The following SLC10A7 variants were observed in gnomAD, a reference collection of about 807,000 sequenced individuals.
The protein encoded by SLC10A7 is solute carrier family 10 member 7.
A neutral mutation model predicts 43.2 loss-of-function variants in SLC10A7; 29 were observed. The observed-to-expected ratio is 0.67, with a 90% CI of 0.50 to 0.92. The LOEUF (loss-of-function observed/expected upper bound fraction) is 0.92. Ranked by LOEUF, SLC10A7 falls within the 40% of genes least tolerant of loss-of-function variation. SLC10A7 has a pLI of 0.00. For synonymous variants in SLC10A7, 152 were observed against 144.8 expected (o/e 1.05, Z -0.35); for missense variants, 295 against 403.2 (o/e 0.73, Z 2.30).
chr4:146,405,376 TG>T (rs1727597647), intron 5 of SLC10A7, among the ~76,000 whole-genome samples: 1 of 152,156 alleles, frequency 6.6e-6, no homozygotes, highest in African/African-American at 2.4e-5. Flanking sequence ...TATAATAAAT[TG>T]GCACCACAAT....
chr4:146,299,712 C>T (rs1313437948), intron 7 of SLC10A7, among the ~76,000 whole-genome samples: 1 of 151,932 alleles, frequency 6.6e-6, no homozygotes, highest in Non-Finnish European at 1.5e-5. Context: ...GGTAACAATC[C>T]CTTTGAAGAG....
chr4:146,290,256 G>A (rs892978748), intron 9 of SLC10A7, among the ~76,000 whole-genome samples: 10 of 149,804 alleles, frequency 6.7e-5, no homozygotes, highest in African/African-American at 1.7e-4. Flanking sequence ...CCCAGGAGGC[G>A]GAGCTTGCAG....
chr4:146,373,927 T>C (rs1736975456), intron 5 of SLC10A7, among the ~76,000 whole-genome samples: 1 of 152,200 alleles, frequency 6.6e-6, no homozygotes. Flanking sequence ...GAAATGTGGA[T>C]AAATTCGACA....
intron 9 of SLC10A7, among the ~76,000 whole-genome samples, chr4:146,285,479 T>A (rs559407512): frequency 6.6e-6 from 1 of 152,216 alleles, no homozygotes; most frequent in Admixed American, 6.5e-5. Context: ...TTTTCTCATA[T>A]GTAGAATGAG....
At chr4:146,442,934 C>T in intron 4 of SLC10A7, 113 bp from the exon 5 acceptor site, 1 of 776,070 alleles carries the variant, frequency 1.3e-6, no homozygotes, top group East Asian at 2.9e-5. Flanking sequence ...AACATTGACT[C>T]TATAAAGCAA....
chr4:146,402,607 CA>C (rs935139071), intron 5 of SLC10A7, among the ~76,000 whole-genome samples: 4 of 152,118 alleles, frequency 2.6e-5, no homozygotes, highest in Non-Finnish European at 5.9e-5. Flanking sequence ...TTTTAAAAAA[CA>C]GAAGAGGAAA....
At chr4:146,331,717 TA>T (rs889711839) in intron 5 of SLC10A7, among the ~76,000 whole-genome samples, 3 of 152,034 alleles carry the variant, frequency 2.0e-5, no homozygotes, top group African/African-American at 7.2e-5. Context: ...AATATCATTT[TA>T]AAAAAAAGAT....
chr4:146,423,592 G>A (rs1729111536), intron 5 of SLC10A7, among the ~76,000 whole-genome samples: 1 of 152,138 alleles, frequency 6.6e-6, no homozygotes, highest in African/African-American at 2.4e-5. Context: ...CCAAAGCGAG[G>A]TGGTAAAAAA....
At chr4:146,319,697 C>T (rs1450229179) in intron 6 of SLC10A7, among the ~76,000 whole-genome samples, 3 of 151,748 alleles carry the variant, frequency 2.0e-5, no homozygotes, top group East Asian at 1.9e-4. Flanking sequence ...AATTCTGCTA[C>T]AAAAAGGGAG....
At chr4:146,394,414 C>T (rs181934867) in intron 5 of SLC10A7, among the ~76,000 whole-genome samples, 2 of 152,204 alleles carry the variant, frequency 1.3e-5, no homozygotes, top group East Asian at 3.9e-4. Flanking sequence ...GGCTGTAGTG[C>T]AGTGGCGCAA....
chr4:146,295,893 G>A (rs1364670956), intron 7 of SLC10A7, among the ~76,000 whole-genome samples: 1 of 152,126 alleles, frequency 6.6e-6, no homozygotes, highest in Non-Finnish European at 1.5e-5. Flanking sequence ...ATAGGTTATA[G>A]AATGTATGAT....
At chr4:146,265,935 T>A (rs1166087270) in intron 10 of SLC10A7, among the ~76,000 whole-genome samples, 2 of 152,206 alleles carry the variant, frequency 1.3e-5, no homozygotes, top group African/African-American at 2.4e-5. Flanking sequence ...ACGTTGTGCC[T>A]TTTGAAGTCT....
chr4:146,450,278 G>T (rs1386201778), intron 4 of SLC10A7, among the ~76,000 whole-genome samples: 1 of 152,060 alleles, frequency 6.6e-6, no homozygotes, highest in Non-Finnish European at 1.5e-5. Context: ...GCAATCCAGT[G>T]TACAACTTCT....
intron 10 of SLC10A7, among the ~76,000 whole-genome samples, chr4:146,259,416 T>A (rs1313728077): frequency 6.6e-6 from 1 of 152,136 alleles, no homozygotes. Context: ...TAGGTAAGGG[T>A]CATACAGATT....
chr4:146,378,085 T>C (rs530694992), intron 5 of SLC10A7, among the ~76,000 whole-genome samples: 10 of 152,300 alleles, frequency 6.6e-5, no homozygotes, highest in African/African-American at 2.4e-4. Flanking sequence ...GGAAAGAGTA[T>C]GCGTTTTAGG....
intron 6 of SLC10A7, among the ~76,000 whole-genome samples, chr4:146,310,312 G>A (rs911662697): frequency 2.2e-4 from 34 of 152,116 alleles, no homozygotes; most frequent in African/African-American, 8.2e-4. Flanking sequence ...TTGATAGAAT[G>A]ATTTATTTTC....
In SLC10A7 at chr4:146,283,177, C is replaced by G; in HGVS notation, c.847+15G>C. On this transcript the variant is annotated intron_variant, in intron 10 of 11. Transcript: ENST00000335472. ...TGAGGGTAATAGGTGGTTTTTAACT[C>G]TGTGAATCACTTACCCAATGTAAGG... 1.9e-6 allele frequency: 3 copies of G among 1,603,340 alleles called. 1 individual carries two copies. Among genetic ancestry groups the G allele is most frequent in the Middle Eastern group, 1.7e-4 (1 of 5,954 alleles).
At chr4:146,297,192 C>A (rs535695127) in intron 7 of SLC10A7, among the ~76,000 whole-genome samples, 1 of 152,216 alleles carries the variant, frequency 6.6e-6, no homozygotes, top group Admixed American at 6.5e-5. Context: ...AGTGACAAAT[C>A]CTCATTAACC....
At chr4:146,285,077 G>C (rs1012632371) in intron 9 of SLC10A7, among the ~76,000 whole-genome samples, 1 of 152,204 alleles carries the variant, frequency 6.6e-6, no homozygotes, top group African/African-American at 2.4e-5. Context: ...TGAGACTGCA[G>C]TATGGGAGTG....
Sources: allele counts gnomAD v4.1 joint callset (sites outside exome capture counted in the v4.1 genomes callset), GRCh38; gene constraint gnomAD v4.1.1; transcripts MANE v1.5; gene names NCBI Gene and HGNC (gene_info 2026-07-23, HGNC 2026-07-21).